HDAC4: variants seen among roughly 807,000 people sequenced by gnomAD.
HDAC4 encodes histone deacetylase A.
A neutral mutation model predicts 135.1 loss-of-function variants in HDAC4; 16 were observed. That is an observed-to-expected ratio of 0.12 (90% CI 0.08 to 0.18). The LOEUF (loss-of-function observed/expected upper bound fraction) is 0.18, where lower values mean the gene tolerates loss of function less well. Among genes scored for constraint, HDAC4 ranks in the 10% least tolerant of loss-of-function variants. HDAC4 has a pLI of 1.00. For missense variants in HDAC4, 1,143 were observed against 1,511.8 expected (o/e 0.76, Z 4.05); for synonymous variants, 685 against 653.4 (o/e 1.05, Z -0.74).
chr2:239,256,516 C>G (rs995682307), intron 2 of HDAC4, among the ~76,000 whole-genome samples: 6 of 152,240 alleles, frequency 3.9e-5, no homozygotes, highest in Admixed American at 2.6e-4. Context: ...CAGGACTTCA[C>G]CCCAGCAGCA....
At chr2:239,366,566 G>T (rs10197739) in intron 1 of HDAC4, among the ~76,000 whole-genome samples, 11,313 of 152,246 alleles carry the variant, frequency 0.074, 931 homozygotes, top group African/African-American at 0.2. Context: ...ACTCTGGAGA[G>T]GAAGAGTCCA....
intron 24 of HDAC4, among the ~76,000 whole-genome samples, chr2:239,065,376 G>A (rs1037837895): frequency 4.6e-5 from 7 of 152,368 alleles, no homozygotes; most frequent in Middle Eastern, 3.4e-3. Flanking sequence ...TGTCCCACTG[G>A]TTCCCCAAAC....
At chr2:239,275,815 G>C (rs1176442817) in intron 2 of HDAC4, among the ~76,000 whole-genome samples, 5 of 152,138 alleles carry the variant, frequency 3.3e-5, no homozygotes. Context: ...CACAGGGAGG[G>C]GAAGACACCC....
intron 15 of HDAC4, among the ~76,000 whole-genome samples, chr2:239,105,181 G>T (rs2038010651): frequency 6.6e-6 from 1 of 152,154 alleles, no homozygotes; most frequent in Admixed American, 6.5e-5. Context: ...AAGACAGAAG[G>T]AGTCTTTGCT....
intron 2 of HDAC4, among the ~76,000 whole-genome samples, chr2:239,256,104 T>C (rs2125034846): frequency 6.6e-6 from 1 of 152,368 alleles, no homozygotes; most frequent in South Asian, 2.1e-4. Context: ...CATCACTTTG[T>C]AGTCTGTGTG....
At chr2:239,274,847 CCTT>C (rs577639808) in intron 2 of HDAC4, among the ~76,000 whole-genome samples, 2 of 152,340 alleles carry the variant, frequency 1.3e-5, no homozygotes, top group Admixed American at 1.3e-4. Flanking sequence ...TCCCAGCTGT[CCTT>C]CTGACCCTGG....
chr2:239,307,653 G>A lies in HDAC4; in HGVS notation c.22+45025C>T, dbSNP rs886554387. On this transcript the variant is annotated intron_variant, in intron 2 of 26. Coordinates refer to ENST00000543185, the MANE Select transcript of HDAC4 (RefSeq NM_001378414.1). The surrounding 1 kb of genome is among the most constrained non-coding windows in gnomAD (Gnocchi z 4.8). Reference sequence around the variant, plus strand: ...AACGACAACTCCTGCTCAAGAAAACGCATGCAAGAGAAGCCCTCCTCACTC... The same window carrying A: ...AACGACAACTCCTGCTCAAGAAAACACATGCAAGAGAAGCCCTCCTCACTC... 2.6e-5 allele frequency among the ~76,000 whole-genome samples: 4 copies of A among 152,168 alleles called. No homozygotes were observed. The highest frequency in any genetic ancestry group is 1.9e-4 in the East Asian group (1 of 5,190).
intron 1 of HDAC4, among the ~76,000 whole-genome samples, chr2:239,393,565 A>ACTCTGG (rs1696369135): frequency 6.6e-6 from 1 of 151,626 alleles, no homozygotes; most frequent in African/African-American, 2.4e-5. Flanking sequence ...CAGCCCCGAA[A>ACTCTGG]CTCTGGCTCT....
At chr2:239,084,741 G>A (rs978620104) in intron 19 of HDAC4, among the ~76,000 whole-genome samples, 12 of 124,166 alleles carry the variant, frequency 9.7e-5, no homozygotes, top group East Asian at 7.6e-4. Flanking sequence ...CCACAGATAC[G>A]CCCATACACC....
chr2:239,196,668 C>A (rs537781338), intron 3 of HDAC4, among the ~76,000 whole-genome samples: 1 of 152,190 alleles, frequency 6.6e-6, no homozygotes, highest in Non-Finnish European at 1.5e-5. Context: ...TCTGGCAGGG[C>A]AGTCATGTGG....
intron 2 of HDAC4, chr2:239,298,627 C>A (rs1306501468): frequency 1.0e-6 from 1 of 991,200 alleles, no homozygotes; most frequent in Non-Finnish European, 1.2e-6. Context: ...ATAGGAACAG[C>A]CTGCCACTCT....
chr2:239,312,701 A>G (rs534753881), intron 2 of HDAC4, among the ~76,000 whole-genome samples: 1 of 152,338 alleles, frequency 6.6e-6, no homozygotes, highest in South Asian at 2.1e-4. Flanking sequence ...AGCGTGTCCC[A>G]TGGACATGAA....
In HDAC4 at chr2:239,142,225, A is replaced by G. The variant is rs560996849; in HGVS notation, c.865+2358T>C. Reference sequence around the variant, plus strand: ...TTAATTAGTGACTGAGAAAAAGCAGAGTATCCACCTGGCTCTCTTTCTGCC... The same window carrying G: ...TTAATTAGTGACTGAGAAAAAGCAGGGTATCCACCTGGCTCTCTTTCTGCC... On this transcript the variant is annotated intron_variant, in intron 8 of 26. Coordinates refer to ENST00000543185, the MANE Select transcript of HDAC4 (RefSeq NM_001378414.1). Among the ~76,000 whole-genome samples, 10 of 152,308 alleles carry G rather than the reference A, an allele frequency of 6.6e-5. No homozygotes were observed. The East Asian group carries it at 1.7e-3, about 26-fold the overall frequency.
At position 239,068,245 on chromosome 2, in the gene HDAC4, G is replaced by A. The variant is rs1464566883; in HGVS notation, c.2869+244C>T. 6.6e-6 allele frequency among the ~76,000 whole-genome samples: 1 copy of A among 152,178 alleles called. No individual in the cohort carries two copies. Among genetic ancestry groups the A allele is most frequent in the Admixed American group, 6.5e-5 (1 of 15,286 alleles). On this transcript the variant is annotated intron_variant, in intron 23 of 26. Coordinates refer to ENST00000543185, the MANE Select transcript of HDAC4 (RefSeq NM_001378414.1). The surrounding 1 kb of genome is among the most constrained non-coding windows in gnomAD (Gnocchi z 4.4). Reference sequence around the variant, plus strand: ...ACCCGCATCCCAGAGAGGGAGCCTCGTGTGCCCTAGGCCCTTCCTGGGCAA... The same window carrying A: ...ACCCGCATCCCAGAGAGGGAGCCTCATGTGCCCTAGGCCCTTCCTGGGCAA...
intron 1 of HDAC4, among the ~76,000 whole-genome samples, chr2:239,380,906 G>A (rs963423567): frequency 3.9e-5 from 6 of 152,104 alleles, no homozygotes; most frequent in African/African-American, 1.2e-4. Context: ...CGTACACAGC[G>A]CACACTTCCT....
At chr2:239,200,267 C>T (rs2045675531) in intron 3 of HDAC4, among the ~76,000 whole-genome samples, 1 of 152,178 alleles carries the variant, frequency 6.6e-6, no homozygotes, top group Admixed American at 6.5e-5. Context: ...CATTCAAACG[C>T]CTGAACGGTC....
At chr2:239,129,084 G>A (rs1237386990) in intron 11 of HDAC4, among the ~76,000 whole-genome samples, 2 of 152,100 alleles carry the variant, frequency 1.3e-5, no homozygotes, top group Non-Finnish European at 2.9e-5. Flanking sequence ...TGTGCAGACC[G>A]GCCCTGTTCC....
chr2:239,053,121 G>T lies in HDAC4; in HGVS notation c.3246C>A (p.Pro1082=). ...GCTACAGGGGCGGCTCCTCTTCCATGGGCTCCTCATCTGGTCTGTGGATCC... is the reference window on the plus strand; with the variant it reads ...GCTACAGGGGCGGCTCCTCTTCCATTGGCTCCTCATCTGGTCTGTGGATCC... The part of the protein sequence containing the change: ...KPAEKRPDEE[P]MEEEPPL The change falls in exon 27 of 27, where the codon CCC becomes CCA. Residue 1082 remains proline (P), a synonymous_variant. Transcript: ENST00000543185. 5 of 1,614,226 alleles carry T rather than the reference G, an allele frequency of 3.1e-6. No individual in the cohort carries two copies. Among genetic ancestry groups the T allele is most frequent in the Non-Finnish European group, 4.2e-6 (5 of 1,180,022 alleles).
chr2:239,241,729 T>C lies in HDAC4; in HGVS notation c.23-5065A>G, dbSNP rs190573947. Reference sequence around the variant, plus strand: ...TCTCTCATCTACTGGCACTGATGTTTGTATACGCTATGAGACAGGGGTTTG... The same window carrying C: ...TCTCTCATCTACTGGCACTGATGTTCGTATACGCTATGAGACAGGGGTTTG... On this transcript the variant is annotated intron_variant, in intron 2 of 26. Transcript: ENST00000543185. Among the ~76,000 whole-genome samples the C allele has an allele frequency of 1.2e-4, 19 of 152,314 alleles. No individual in the cohort carries two copies. The East Asian group carries it at 2.3e-3, about 19-fold the overall frequency.
Sources: allele counts gnomAD v4.1 joint callset (sites outside exome capture counted in the v4.1 genomes callset), GRCh38; gene constraint gnomAD v4.1.1; non-coding constraint Gnocchi (gnomAD v3.1); transcripts MANE v1.5; gene names NCBI Gene and HGNC (gene_info 2026-07-23, HGNC 2026-07-21).